Variants in CAPN3 observed in about 807,000 individuals in gnomAD.
CAPN3 encodes the protein calpain-3.
Under a neutral mutation model 114.0 loss-of-function variants are expected in CAPN3, and 88 were observed. That is an observed-to-expected ratio of 0.77 (90% confidence interval 0.65 to 0.92). CAPN3 has a LOEUF of 0.92. Ranked by LOEUF, CAPN3 falls within the 40% of genes least tolerant of loss-of-function variation. The pLI is 0.00. For synonymous variants in CAPN3, 386 were observed against 382.9 expected (o/e 1.01, Z -0.09); for missense variants, 1,028 against 1,069.0 (o/e 0.96, Z 0.53).
intron 6 of CAPN3, among the ~76,000 whole-genome samples, chr15:42,390,985 G>T (rs984492269): frequency 6.6e-6 from 1 of 151,474 alleles, no homozygotes; most frequent in South Asian, 2.1e-4. Context: ...TAGAGACGGG[G>T]TTTCACCATG....
At chr15:42,365,062 C>G (rs1362447012) in intron 1 of CAPN3, among the ~76,000 whole-genome samples, 1 of 152,198 alleles carries the variant, frequency 6.6e-6, no homozygotes, top group African/African-American at 2.4e-5. Context: ...GCAGTGGACC[C>G]TGACAACAAT....
intron 10 of CAPN3, among the ~76,000 whole-genome samples, chr15:42,399,899 A>G (rs2053818471): frequency 6.6e-6 from 1 of 152,218 alleles, no homozygotes; most frequent in Admixed American, 6.5e-5. Flanking sequence ...ATGTCCAGAT[A>G]AGCCCATCCA....
In CAPN3 at chr15:42,412,119, G is replaced by A. The variant is rs768956233; in HGVS notation, c.*346G>A. 1.3e-6 allele frequency: 2 copies of A among 1,535,836 alleles called. No individual in the cohort carries two copies. Among genetic ancestry groups the A allele is most frequent in the Admixed American group, 3.9e-5 (2 of 50,990 alleles). ...CAGAAGCACCTGCCGGTGGCACTCA[G>A]CACCTCCTTGTGCTAGAGCCCTCCA... On this transcript the variant is annotated 3_prime_UTR_variant, in exon 24 of 24. Coordinates refer to ENST00000397163, the MANE Select transcript of CAPN3 (RefSeq NM_000070.3).
chr15:42,385,426 T>G (rs1006546335), intron 2 of CAPN3, among the ~76,000 whole-genome samples: 1 of 151,932 alleles, frequency 6.6e-6, no homozygotes, highest in Non-Finnish European at 1.5e-5. Context: ...CAGGCAGCTC[T>G]CAGTCTCCCC....
At chr15:42,384,433 C>A in intron 1 of CAPN3, 50 bp from the exon 2 acceptor site, 1 of 1,297,652 alleles carries the variant, frequency 7.7e-7, no homozygotes, top group Non-Finnish European at 1.1e-6. Flanking sequence ...ATCTATCTAT[C>A]TGTCTATCTA....
chr15:42,399,347 A>G (rs956251825), intron 9 of CAPN3, 145 bp from the exon 10 acceptor site: 3 of 680,682 alleles, frequency 4.4e-6, no homozygotes, highest in Non-Finnish European at 7.9e-6. Flanking sequence ...CGTTTGCCCT[A>G]AAAAGGAAAG....
At chr15:42,364,241 A>T (rs1357069181) in intron 1 of CAPN3, among the ~76,000 whole-genome samples, 1 of 152,214 alleles carries the variant, frequency 6.6e-6, no homozygotes, top group African/African-American at 2.4e-5. Context: ...TCTTGGTCAC[A>T]TACTTACCCT....
chr15:42,387,874 A>C lies in CAPN3; in HGVS notation c.620A>C (p.Lys207Thr), dbSNP rs886043108. 1.2e-6 allele frequency: 2 copies of C among 1,614,184 alleles called. No individual in the cohort carries two copies. The highest frequency in any genetic ancestry group is 1.7e-6 in the Non-Finnish European group (2 of 1,180,038). The stretch of plus-strand genomic sequence containing the variant: ...GAGTTCTGGAGTGCTCTGCTGGAGA[A>C]GGCTTATGCTAAGTAAGCAACACTT... Reference protein sequence around the residue: ...RNEFWSALLEKAYAKLHGSYE... With the variant: ...RNEFWSALLETAYAKLHGSYE... Residue 207 changes from lysine to threonine, a missense_variant, in exon 4 of 24, where the codon AAG becomes ACG. Physicochemically the swap from Lys to Thr is moderately conservative, Grantham distance 78 (BLOSUM62 -1). Transcript: ENST00000397163.
In CAPN3 at chr15:42,392,699, T is replaced by G. The variant is rs745967703; in HGVS notation, c.1006T>G (p.Tyr336Asp). 3.7e-6 allele frequency: 6 copies of G among 1,613,988 alleles called. No individual in the cohort carries two copies. The highest frequency in any genetic ancestry group is 3.4e-6 in the Non-Finnish European group (4 of 1,179,882). Residue 336 changes from tyrosine to aspartate, a missense_variant, in exon 7 of 24, where the codon TAC (tyrosine) becomes GAC (aspartate). Transcript: ENST00000397163. ...CTGCGGGCTGGTCAGAGGTCACGCC[T>G]ACTCTGTCACGGGGCTGGATGAGGT... ...MACGLVRGHAYSVTGLDEVPF... is the reference protein window; with the variant it reads ...MACGLVRGHADSVTGLDEVPF...
Position 42,359,689 on chromosome 15 carries a change from C to T in CAPN3, c.-117C>T. 2 of 1,571,102 alleles carry T rather than the reference C, an allele frequency of 1.3e-6. No homozygotes were observed. Among genetic ancestry groups the T allele is most frequent in the South Asian group, 1.2e-5 (1 of 83,466 alleles). On this transcript the variant is annotated 5_prime_UTR_variant, in exon 1 of 24. Transcript: ENST00000397163. ...CTTTCAACTTTGAACTGGATGTGGACACTTTTCTCTCAGATGACAGAATTA... is the reference window on the plus strand; with the variant it reads ...CTTTCAACTTTGAACTGGATGTGGATACTTTTCTCTCAGATGACAGAATTA...
chr15:42,370,699 A>G (rs2052920827), intron 1 of CAPN3, among the ~76,000 whole-genome samples: 1 of 152,220 alleles, frequency 6.6e-6, no homozygotes. Flanking sequence ...AGCAAGTCAC[A>G]TAAGTAAGTC....
chr15:42,380,527 C>T (rs1467405020), intron 1 of CAPN3, among the ~76,000 whole-genome samples: 2 of 148,306 alleles, frequency 1.3e-5, no homozygotes, highest in Non-Finnish European at 3.0e-5. Flanking sequence ...ACTACAGGTG[C>T]ATGCCACAAT....
chr15:42,408,396 G>C, intron 16 of CAPN3, 72 bp downstream of exon 16: 1 of 906,396 alleles, frequency 1.1e-6, no homozygotes, highest in South Asian at 1.3e-5. Context: ...GGGATACACA[G>C]GGGCTGGAGG....
At chr15:42,408,109 T>A in intron 15 of CAPN3, 102 bp from the exon 16 acceptor site, 1 of 766,758 alleles carries the variant, frequency 1.3e-6, no homozygotes, top group Non-Finnish European at 2.3e-6. Flanking sequence ...ATTCCTTTCC[T>A]CTTCTCACTG....
At chr15:42,394,115 AT>A in intron 7 of CAPN3, 140 bp from the exon 8 acceptor site, 1 of 793,544 alleles carries the variant, frequency 1.3e-6, no homozygotes, top group Non-Finnish European at 2.2e-6. Flanking sequence ...CACACTTGTG[AT>A]TAATCTCCTT....
intron 3 of CAPN3, among the ~76,000 whole-genome samples, chr15:42,386,751 G>A (rs1172026154): frequency 6.6e-6 from 1 of 152,172 alleles, no homozygotes; most frequent in Non-Finnish European, 1.5e-5. Flanking sequence ...TGCTTAACCT[G>A]GGGATCAGGC....
At chr15:42,402,761 G>T in intron 12 of CAPN3, 33 bp from the exon 13 acceptor site, 1 of 1,607,066 alleles carries the variant, frequency 6.2e-7, no homozygotes, top group Non-Finnish European at 8.5e-7. Context: ...CTCCCGAGGG[G>T]CTCATGTGCC....
intron 1 of CAPN3, among the ~76,000 whole-genome samples, chr15:42,377,198 T>C (rs1017825339): frequency 3.9e-5 from 6 of 152,166 alleles, no homozygotes; most frequent in African/African-American, 7.2e-5. Flanking sequence ...GGACTTCCAG[T>C]AGGACACTGA....
chr15:42,403,103 C>G, intron 13 of CAPN3, 101 bp downstream of exon 13: 1 of 914,396 alleles, frequency 1.1e-6, no homozygotes, highest in Non-Finnish European at 1.8e-6. Context: ...CTCCAGGGTC[C>G]TTCTGCTGCT....
Sources: gnomAD v4.1 joint callset for allele counts (sites outside exome capture counted in the v4.1 genomes callset) on GRCh38, gnomAD v4.1.1 for gene constraint, MANE v1.5 for transcripts, NCBI Gene and HGNC (gene_info 2026-07-23, HGNC 2026-07-21) for gene names.